The following TNFAIP8L3 variants were observed in gnomAD, a reference collection of about 807,000 sequenced individuals.
TNFAIP8L3 encodes the protein tumor necrosis factor alpha-induced protein 8-like protein 3.
Under a neutral mutation model 11.8 loss-of-function variants are expected in TNFAIP8L3, and 7 were observed. That is an observed-to-expected ratio of 0.59 (90% confidence interval 0.34 to 1.11). The LOEUF (loss-of-function observed/expected upper bound fraction) is 1.11, where lower values mean the gene tolerates loss of function less well. TNFAIP8L3 is among the 50% of genes most tolerant of loss of function. The probability of loss-of-function intolerance (pLI) is 0.03; values close to 1 mark genes in which losing one functional copy is unlikely to be tolerated. For synonymous variants in TNFAIP8L3, 98 were observed against 103.8 expected (o/e 0.94, Z 0.34); for missense variants, 219 against 258.6 (o/e 0.85, Z 1.05).
At chr15:51,088,135 AT>A (rs2140979240) in intron 1 of TNFAIP8L3, among the ~76,000 whole-genome samples, 1 of 152,026 alleles carries the variant, frequency 6.6e-6, no homozygotes, top group East Asian at 1.9e-4. Flanking sequence ...AAACAAAGTT[AT>A]TTATGTAGTG....
At chr15:51,076,568 T>A (rs1036381856) in intron 1 of TNFAIP8L3, among the ~76,000 whole-genome samples, 1 of 152,168 alleles carries the variant, frequency 6.6e-6, no homozygotes, top group African/African-American at 2.4e-5. Flanking sequence ...AATCACCAGG[T>A]GTGGTCACTC....
At chr15:51,100,424 T>C (rs2065542326) in intron 1 of TNFAIP8L3, among the ~76,000 whole-genome samples, 1 of 152,052 alleles carries the variant, frequency 6.6e-6, no homozygotes, top group Non-Finnish European at 1.5e-5. Context: ...AGAGTAGTGA[T>C]TTAGAGAAAG....
At chr15:51,068,747 A>G (rs962790625) in intron 1 of TNFAIP8L3, among the ~76,000 whole-genome samples, 1 of 145,086 alleles carries the variant, frequency 6.9e-6, no homozygotes, top group African/African-American at 2.6e-5. Context: ...GCTCACTGCA[A>G]CCTCCGCCTC....
At chr15:51,065,921 C>T (rs1013397595) in intron 1 of TNFAIP8L3, among the ~76,000 whole-genome samples, 6 of 152,026 alleles carry the variant, frequency 3.9e-5, no homozygotes, top group South Asian at 4.1e-4. Context: ...ATCTGGAGTG[C>T]TTAATGGGCA....
At chr15:51,100,773 AC>A (rs113070839) in intron 1 of TNFAIP8L3, among the ~76,000 whole-genome samples, 76 of 151,058 alleles carry the variant, frequency 5.0e-4, no homozygotes, top group Middle Eastern at 3.4e-3. Context: ...AGGAAAAAAA[AC>A]AAACAAACAA....
At chr15:51,080,434 T>C (rs868351277) in intron 1 of TNFAIP8L3, among the ~76,000 whole-genome samples, 2 of 152,190 alleles carry the variant, frequency 1.3e-5, no homozygotes, top group South Asian at 4.2e-4. Flanking sequence ...CTTGGAGATA[T>C]CTCTGGCAGC....
chr15:51,086,350 T>G (rs1447337640), intron 1 of TNFAIP8L3, among the ~76,000 whole-genome samples: 1 of 152,236 alleles, frequency 6.6e-6, no homozygotes. Flanking sequence ...TACCATCCCC[T>G]GATCTGGATC....
chr15:51,091,717 C>T (rs918086352), intron 1 of TNFAIP8L3, among the ~76,000 whole-genome samples: 1 of 148,954 alleles, frequency 6.7e-6, no homozygotes, highest in South Asian at 2.2e-4. Context: ...CACACACACA[C>T]GTGCACACAC....
intron 1 of TNFAIP8L3, among the ~76,000 whole-genome samples, chr15:51,058,858 GC>G (rs1274671683): frequency 7.2e-5 from 11 of 152,342 alleles, no homozygotes; most frequent in Non-Finnish European, 7.3e-5. Context: ...CACGAATGTA[GC>G]CCCATTGTCA....
At chr15:51,098,571 C>G (rs527280248), upstream of TNFAIP8L3, among the ~76,000 whole-genome samples, 203 of 152,292 alleles carry the variant, frequency 1.3e-3, no homozygotes, top group Non-Finnish European at 2.2e-3. Flanking sequence ...AGGGAGCTTT[C>G]CTATTTCTTT....
At position 51,105,095 on chromosome 15, in the gene TNFAIP8L3, C is replaced by T. The variant is rs766390112; in HGVS notation, c.82G>A (p.Gly28Arg). The T allele has an allele frequency of 3.1e-5, 50 of 1,614,094 alleles. No homozygotes were observed. Among genetic ancestry groups the T allele is most frequent in the Middle Eastern group, 1.6e-4 (1 of 6,072 alleles). ...CTTGTGCCTTGGGTCCCTGCATATC[C>T]GTTGACCCACAGTTTCCCCTTTGGC... The change falls in exon 1 of 3, where the codon GGA becomes AGA. Residue 28 changes from glycine (G) to arginine (R), a missense_variant. Physicochemically the swap from Gly to Arg is moderately radical, Grantham distance 125. Coordinates refer to the TNFAIP8L3 transcript ENST00000327536.
intron 1 of TNFAIP8L3, among the ~76,000 whole-genome samples, chr15:51,102,443 G>A (rs1015326120): frequency 3.0e-4 from 45 of 152,088 alleles, no homozygotes; most frequent in African/African-American, 1.1e-3. Flanking sequence ...GCCAAGTGTT[G>A]AGTGGAACCT....
intron 1 of TNFAIP8L3, 91 bp from the exon 2 acceptor site, chr15:51,058,534 G>A (rs2065221840): frequency 1.7e-6 from 2 of 1,194,878 alleles, no homozygotes; most frequent in South Asian, 1.7e-5. Flanking sequence ...TTGAACTTAT[G>A]TTCTTAGAGC....
chr15:51,094,947 G>A (rs1020823962), upstream of TNFAIP8L3, among the ~76,000 whole-genome samples: 4 of 143,486 alleles, frequency 2.8e-5, no homozygotes, highest in African/African-American at 1.2e-4. The surrounding 1 kb of genome is among the most constrained non-coding windows in gnomAD (Gnocchi z 4.4). Flanking sequence ...TCCCGGGGGC[G>A]GCGCCGCGCC....
chr15:51,072,144 A>G (rs1450958756), intron 1 of TNFAIP8L3, among the ~76,000 whole-genome samples: 1 of 146,092 alleles, frequency 6.8e-6, no homozygotes, highest in Non-Finnish European at 1.5e-5. Context: ...TCATACAGAA[A>G]GCTATTTTTT....
At chr15:51,074,508 A>T (rs62018199) in intron 1 of TNFAIP8L3, among the ~76,000 whole-genome samples, 26,136 of 152,216 alleles carry the variant, frequency 0.17, 2,454 homozygotes, top group Middle Eastern at 0.22. Context: ...CTTCCTAAGT[A>T]ACAAAGTAAC....
chr15:51,089,843 G>A (rs2065455049), intron 1 of TNFAIP8L3, among the ~76,000 whole-genome samples: 2 of 152,308 alleles, frequency 1.3e-5, no homozygotes, highest in African/African-American at 4.8e-5. Flanking sequence ...GCAGAGATCC[G>A]TGCAAATTTC....
chr15:51,082,330 A>G (rs2065398525), intron 1 of TNFAIP8L3, among the ~76,000 whole-genome samples: 2 of 152,202 alleles, frequency 1.3e-5, no homozygotes, highest in Admixed American at 1.3e-4. Flanking sequence ...GTATATCTAA[A>G]CATGTATAAG....
At chr15:51,103,880 A>C (rs72727123) in intron 1 of TNFAIP8L3, among the ~76,000 whole-genome samples, 1 of 151,968 alleles carries the variant, frequency 6.6e-6, no homozygotes, top group African/African-American at 2.4e-5. Flanking sequence ...ACATGTGCCT[A>C]CTTCCTTAGT....
Sources: allele counts gnomAD v4.1 joint callset (sites outside exome capture counted in the v4.1 genomes callset), GRCh38; gene constraint gnomAD v4.1.1; non-coding constraint Gnocchi (gnomAD v3.1); transcripts MANE v1.5; gene names NCBI Gene and HGNC (gene_info 2026-07-23, HGNC 2026-07-21).